The following BCAT1 variants were observed in gnomAD, a reference collection of about 807,000 sequenced individuals.
BCAT1 encodes branched-chain-amino-acid aminotransferase, cytosolic.
A neutral mutation model predicts 52.4 loss-of-function variants in BCAT1; 48 were observed. That is an observed-to-expected ratio of 0.92 (90% confidence interval 0.73 to 1.16). The LOEUF (loss-of-function observed/expected upper bound fraction) is 1.16, where lower values mean the gene tolerates loss of function less well. BCAT1 is among the 50% of genes most tolerant of loss of function. The probability of loss-of-function intolerance (pLI) is 0.00; values close to 1 mark genes in which losing one functional copy is unlikely to be tolerated. For synonymous variants in BCAT1, 167 were observed against 161.3 expected, an observed-to-expected ratio of 1.04 and a Z score of -0.27; for missense variants, 451 against 457.1, an observed-to-expected ratio of 0.99 and a Z score of 0.12.
At chr12:24,939,729 C>T (rs887755993) in intron 1 of BCAT1, among the ~76,000 whole-genome samples, 1 of 151,952 alleles carries the variant, frequency 6.6e-6, no homozygotes, top group Admixed American at 6.6e-5. Flanking sequence ...CCCAGCTACT[C>T]GGGAGGCTGA....
At chr12:24,862,742 C>T (rs750779195) in intron 5 of BCAT1, among the ~76,000 whole-genome samples, 1 of 152,030 alleles carries the variant, frequency 6.6e-6, no homozygotes, top group Non-Finnish European at 1.5e-5. Context: ...ATTTATGAGC[C>T]CCATCATTCT....
chr12:24,842,402 A>C (rs1462285187), intron 6 of BCAT1, among the ~76,000 whole-genome samples, 178 bp from the exon 7 acceptor site: 2 of 152,216 alleles, frequency 1.3e-5, no homozygotes, highest in Non-Finnish European at 2.9e-5. Flanking sequence ...CTCATTAGAA[A>C]ATCTAAGTGA....
At chr12:24,836,937 AGAAAGAAAGAAAGAAAGAAAAGAG>A (rs1565454674) in intron 7 of BCAT1, among the ~76,000 whole-genome samples, 5 of 118,906 alleles carry the variant, frequency 4.2e-5, no homozygotes, top group Non-Finnish European at 5.9e-5. Flanking sequence ...AAAGAAAGAA[AGAAAGAAAGAAAGAAAGAAAAGAG>A]AAAGAAAGAA....
At chr12:24,874,063 C>T (rs1478369095) in intron 5 of BCAT1, among the ~76,000 whole-genome samples, 1 of 152,044 alleles carries the variant, frequency 6.6e-6, no homozygotes, top group East Asian at 1.9e-4. Flanking sequence ...GCCTGTAATC[C>T]AGCACTTTGG....
intron 5 of BCAT1, among the ~76,000 whole-genome samples, chr12:24,853,241 T>A (rs1324929428): frequency 6.6e-6 from 1 of 152,154 alleles, no homozygotes; most frequent in Admixed American, 6.5e-5. Context: ...ATGTGATACA[T>A]ATAAACCATG....
intron 10 of BCAT1, among the ~76,000 whole-genome samples, chr12:24,826,374 C>A (rs1075062): frequency 0.11 from 17,149 of 152,126 alleles, 1,092 homozygotes; most frequent in Non-Finnish European, 0.13. Context: ...ATTTTCCCAG[C>A]ACCATTTATT....
intron 1 of BCAT1, among the ~76,000 whole-genome samples, chr12:24,925,920 GGC>G (rs1293043858): frequency 6.6e-6 from 1 of 152,222 alleles, no homozygotes; most frequent in East Asian, 1.9e-4. Flanking sequence ...GGAGTGTAGT[GGC>G]GTGATCTCGG....
chr12:24,928,707 G>C (rs1167974667), intron 1 of BCAT1, among the ~76,000 whole-genome samples: 9 of 24,022 alleles, frequency 3.7e-4, no homozygotes, highest in Middle Eastern at 0.056. Context: ...TGAAATGTTT[G>C]TTGTTGTTGT....
chr12:24,848,183 C>T (rs1022243543), intron 6 of BCAT1, among the ~76,000 whole-genome samples: 3 of 152,154 alleles, frequency 2.0e-5, no homozygotes. Flanking sequence ...CCACCTGAGC[C>T]TAATGAATCA....
At chr12:24,897,252 C>T (rs956841795) in intron 2 of BCAT1, among the ~76,000 whole-genome samples, 1 of 152,106 alleles carries the variant, frequency 6.6e-6, no homozygotes, top group Admixed American at 6.6e-5. Flanking sequence ...TTTTCTGAGA[C>T]CTCTCCTTAA....
intron 10 of BCAT1, among the ~76,000 whole-genome samples, chr12:24,819,628 C>G (rs1045527134): frequency 6.6e-6 from 1 of 152,286 alleles, no homozygotes; most frequent in African/African-American, 2.4e-5. Context: ...AAGCCCAGTT[C>G]TCTGCCTCTG....
chr12:24,908,136 T>A (rs995544071), intron 1 of BCAT1, among the ~76,000 whole-genome samples: 2 of 152,158 alleles, frequency 1.3e-5, no homozygotes, highest in African/African-American at 4.8e-5. Flanking sequence ...CTCCTAGATA[T>A]GAGCTTCTTT....
intron 8 of BCAT1, chr12:24,834,375 T>C (rs1940831147): frequency 1.0e-6 from 1 of 985,118 alleles, no homozygotes; most frequent in Admixed American, 6.2e-5. Flanking sequence ...AGTGTTTGAA[T>C]ATATTCTTTG....
At chr12:24,922,144 C>T (rs562581975) in intron 1 of BCAT1, among the ~76,000 whole-genome samples, 21 of 152,292 alleles carry the variant, frequency 1.4e-4, no homozygotes, top group Non-Finnish European at 1.8e-4. Context: ...TGAGCACACA[C>T]GCAAACACAA....
intron 2 of BCAT1, among the ~76,000 whole-genome samples, chr12:24,899,872 T>C (rs1303965444): frequency 4.6e-5 from 7 of 151,284 alleles, no homozygotes; most frequent in Non-Finnish European, 8.8e-5. Context: ...AAGAGAGTAC[T>C]CATAGAATGA....
Position 24,813,009 on chromosome 12 carries a change from G to C in BCAT1, c.*4999C>G, listed in dbSNP as rs913438883. On this transcript the variant is annotated 3_prime_UTR_variant, in exon 11 of 11. Coordinates refer to ENST00000261192, the MANE Select transcript of BCAT1 (RefSeq NM_005504.7). ...AAGATGACTTAAAACTTCAATACTT[G>C]TATCCAGCAGATTTGAAAGGGCACT... is the stretch of plus-strand genomic sequence containing the variant. 6.6e-6 allele frequency: 1 copy of C among 151,908 alleles called. No individual in the cohort carries two copies. Among genetic ancestry groups the C allele is most frequent in the East Asian group, 1.9e-4 (1 of 5,198 alleles). The allele number at this position is 151,908 out of a possible 1,614,324, so 9.4% of individuals were successfully genotyped here. A position where few individuals can be genotyped will look rare whatever the true frequency, so the allele number is the denominator to read the frequency against.
At chr12:24,834,298 T>G in intron 8 of BCAT1, 5 of 985,382 alleles carry the variant, frequency 5.1e-6, no homozygotes, top group Non-Finnish European at 6.0e-6. Flanking sequence ...CTTCCTTCTC[T>G]TTCAGTATCA....
chr12:24,849,801 T>C lies in BCAT1; in HGVS notation c.659A>G (p.Asp220Gly), dbSNP rs1297488540. ...YVRAWKGGTG[D>G]CKMGGNYGSS... is the part of the protein sequence containing the mutation. ...ATTTACTTACCCTCCCATCTTGCAG[T>C]CCCCAGTTCCACCTTTCCAGGCTCT... Residue 220 changes from aspartate to glycine, a missense_variant, in exon 6 of 11, where the codon GAC becomes GGC. Physicochemically the swap from Asp to Gly is moderately conservative, Grantham distance 94. Coordinates refer to ENST00000261192, the MANE Select transcript of BCAT1 (RefSeq NM_005504.7). 1 of 1,608,560 alleles carries C rather than the reference T, an allele frequency of 6.2e-7. No homozygotes were observed. The highest frequency in any genetic ancestry group is 8.5e-7 in the Non-Finnish European group (1 of 1,176,158).
At chr12:24,903,140 A>G (rs1943163195) in intron 1 of BCAT1, 4 of 1,310,678 alleles carry the variant, frequency 3.1e-6, no homozygotes. Context: ...GGCCAGGCGC[A>G]GGGTACGACG....
Sources: allele counts gnomAD v4.1 joint callset (sites outside exome capture counted in the v4.1 genomes callset), GRCh38; gene constraint gnomAD v4.1.1; transcripts MANE v1.5; gene names NCBI Gene and HGNC (gene_info 2026-07-23, HGNC 2026-07-21).